ADCY3: variants seen among roughly 807,000 people sequenced by gnomAD.
The protein encoded by ADCY3 is adenylate cyclase 3, also known as adenylate cyclase type 3.
Under a neutral mutation model 119.4 loss-of-function variants are expected in ADCY3, and 70 were observed. That is an observed-to-expected ratio of 0.59 (90% CI 0.48 to 0.72). ADCY3 has a LOEUF of 0.72. ADCY3 is among the 30% of genes least tolerant of loss of function. ADCY3 has a pLI of 0.00. For missense variants in ADCY3, 1,238 were observed against 1,541.6 expected (o/e 0.80, Z 3.30); for synonymous variants, 672 against 621.4 (o/e 1.08, Z -1.21).
At chr2:24,850,933 A>C (rs1672215942) in intron 3 of ADCY3, among the ~76,000 whole-genome samples, 1 of 152,278 alleles carries the variant, frequency 6.6e-6, no homozygotes, top group South Asian at 2.1e-4. Context: ...AAATAAAGGC[A>C]GAAGGCTATA....
rs1375081545 is a variant in ADCY3 at position 24,834,988 on chromosome 2, G to T, written c.1663-52C>A. On this transcript the variant is annotated intron_variant, in intron 9 of 21. Transcript: ENST00000679454. This position sits in a 1 kb window ranked among gnomAD's most constrained non-coding sequence, Gnocchi z 4.2. ...GGGGCAGATGGGACAGAGTGGTGGGGAAGAGCTGGGAAAGACAGAGGTGGA... is the reference window on the plus strand; with the variant it reads ...GGGGCAGATGGGACAGAGTGGTGGGTAAGAGCTGGGAAAGACAGAGGTGGA... 1 of 1,584,056 alleles carries T rather than the reference G, an allele frequency of 6.3e-7. No homozygotes were observed.
Position 24,872,685 on chromosome 2 carries a change from A to G in ADCY3, c.710T>C (p.Ile237Thr). The part of the protein sequence containing the change: ...LANVFLYLCA[I>T]AVGIMSYYMA... ...GTAGTAGGACATGATGCCCACAGCG[A>G]TGGCGCACAGGTAGAGGAAGACGTT... is the stretch of plus-strand genomic sequence containing the variant. The change falls in exon 3 of 22, where the codon ATC (isoleucine) becomes ACC (threonine). Residue 237 changes from isoleucine to threonine, a missense_variant. By Grantham distance (89) the Ile-to-Thr change is moderately conservative (BLOSUM62 -1). Around this residue, in one of 7 missense-constraint regions of ADCY3, gnomAD observed 283 missense variants for 437.2 expected, o/e 0.65. Coordinates refer to ENST00000679454, the MANE Select transcript of ADCY3 (RefSeq NM_004036.5). This position sits in a 1 kb window ranked among gnomAD's most constrained non-coding sequence, Gnocchi z 4.4. 1 of 1,614,180 alleles carries G rather than the reference A, an allele frequency of 6.2e-7. No individual in the cohort carries two copies. The highest frequency in any genetic ancestry group is 8.5e-7 in the Non-Finnish European group (1 of 1,180,016).
At position 24,848,142 on chromosome 2, in the gene ADCY3, TG is replaced by T. The variant is rs1486910548; in HGVS notation, c.826-5759del. Among the ~76,000 whole-genome samples, 5 of 152,352 alleles carry T rather than the reference TG, an allele frequency of 3.3e-5. No homozygotes were observed. In the East Asian group the frequency reaches 9.6e-4, roughly 29 times the overall value. Reference sequence around the variant, plus strand: ...ACAAAATCTCTGCAGCACTGTGACATGTTCATGATGGCCATAACGCCCATGC... The same window carrying T: ...ACAAAATCTCTGCAGCACTGTGACATTTCATGATGGCCATAACGCCCATGC... On this transcript the variant is annotated intron_variant, in intron 3 of 21. Coordinates refer to ENST00000679454, the MANE Select transcript of ADCY3 (RefSeq NM_004036.5).
At position 24,841,712 on chromosome 2, in the gene ADCY3, G is replaced by A. The variant is rs2148579223; in HGVS notation, c.957-45C>T. On this transcript the variant is annotated intron_variant, in intron 4 of 21. Coordinates refer to ENST00000679454, the MANE Select transcript of ADCY3 (RefSeq NM_004036.5). The surrounding 1 kb of genome is among the most constrained non-coding windows in gnomAD (Gnocchi z 5.8). Reference sequence around the variant, plus strand: ...TGGGGGTGACGCTCCAGGCAGCCAGGTGTACCCGACCCCACTGCCAGCTCC... The same window carrying A: ...TGGGGGTGACGCTCCAGGCAGCCAGATGTACCCGACCCCACTGCCAGCTCC... The A allele has an allele frequency of 6.7e-7, 1 of 1,503,670 alleles. No homozygotes were observed. The highest frequency in any genetic ancestry group is 1.1e-5 in the South Asian group (1 of 87,350). The allele number at this position is 1,503,670 out of a possible 1,614,324, so 93.1% of individuals were successfully genotyped here. A position where few individuals can be genotyped will look rare whatever the true frequency, so the allele number is the denominator to read the frequency against.
intron 3 of ADCY3, among the ~76,000 whole-genome samples, chr2:24,864,268 G>A (rs866937627): frequency 6.0e-4 from 91 of 152,178 alleles, no homozygotes; most frequent in African/African-American, 2.0e-3. Flanking sequence ...CAACCTGGGC[G>A]ACAGAGCAAG....
chr2:24,833,410 C>T lies in ADCY3; in HGVS notation c.1967+1075G>A, dbSNP rs78028475. Among the ~76,000 whole-genome samples, 729 of 152,298 alleles carry T rather than the reference C, an allele frequency of 4.8e-3. 5 individuals carry two copies. The highest frequency in any genetic ancestry group is 0.01 in the Middle Eastern group (3 of 294). On this transcript the variant is annotated intron_variant, in intron 11 of 21. Transcript: ENST00000679454. ...CAGATAGGAGAAGGCTCGCCCCTCACCCGCTTCCAGGCGTTACTGAAATAT... is the reference window on the plus strand; with the variant it reads ...CAGATAGGAGAAGGCTCGCCCCTCATCCGCTTCCAGGCGTTACTGAAATAT...
Position 24,851,951 on chromosome 2 carries a change from G to A in ADCY3, c.826-9567C>T, listed in dbSNP as rs192298682. Among the ~76,000 whole-genome samples the A allele has an allele frequency of 1.6e-4, 25 of 152,278 alleles. No homozygotes were observed. In the East Asian group the frequency reaches 4.4e-3, roughly 27 times the overall value. On this transcript the variant is annotated intron_variant, in intron 3 of 21. Coordinates refer to ENST00000679454, the MANE Select transcript of ADCY3 (RefSeq NM_004036.5). ...GTCAGAGAGATGGATTGGAGACTGA[G>A]TCCCCATATCCTCTACCGCAGCACC...
rs1164982733 is a variant in ADCY3 at position 24,828,142 on chromosome 2, T to A, written c.2192A>T (p.Tyr731Phe). The A allele has an allele frequency of 1.2e-6, 2 of 1,613,788 alleles. No homozygotes were observed. The highest frequency in any genetic ancestry group is 2.2e-5 in the East Asian group (1 of 44,882). ...VVDMLSCLQYYTGPSNATAGM... is the reference protein window; with the variant it reads ...VVDMLSCLQYFTGPSNATAGM... ...TGCCGTTGCATTGCTGGGTCCCGTGTAGTACTGGAGACAGCTGAGCTGGAG... is the reference window on the plus strand; with the variant it reads ...TGCCGTTGCATTGCTGGGTCCCGTGAAGTACTGGAGACAGCTGAGCTGGAG... Residue 731 changes from tyrosine to phenylalanine, a missense_variant, in exon 14 of 22, where the codon TAC (tyrosine) becomes TTC (phenylalanine). By Grantham distance (22) the Tyr-to-Phe change is conservative. This residue lies in a region of ADCY3 where 499 missense variants were observed against 571.0 expected (regional missense o/e 0.87). Coordinates refer to ENST00000679454, the MANE Select transcript of ADCY3 (RefSeq NM_004036.5).
chr2:24,848,264 G>C (rs1370530109), intron 3 of ADCY3, among the ~76,000 whole-genome samples: 1 of 152,258 alleles, frequency 6.6e-6, no homozygotes, highest in South Asian at 2.1e-4. Flanking sequence ...ACAAACAATA[G>C]CATGAGCAAT....
At chr2:24,884,611 G>A (rs1438277778) in intron 2 of ADCY3, among the ~76,000 whole-genome samples, 9 of 151,626 alleles carry the variant, frequency 5.9e-5, no homozygotes, top group African/African-American at 2.2e-4. Context: ...GAGTATCTGG[G>A]ATTTACAGGT....
At chr2:24,830,885 G>A in intron 12 of ADCY3, 60 bp from the exon 13 acceptor site, 1 of 1,346,554 alleles carries the variant, frequency 7.4e-7, no homozygotes. Flanking sequence ...CCTGCGACGT[G>A]ACTGACAGCA....
At chr2:24,860,485 A>C (rs541955470) in intron 3 of ADCY3, among the ~76,000 whole-genome samples, 69 of 151,822 alleles carry the variant, frequency 4.5e-4, no homozygotes, top group African/African-American at 1.6e-3. Flanking sequence ...GGGCTGCACC[A>C]AGAGCTCCAA....
At chr2:24,831,458 A>G (rs1669495924) in intron 12 of ADCY3, among the ~76,000 whole-genome samples, 1 of 152,236 alleles carries the variant, frequency 6.6e-6, no homozygotes, top group Admixed American at 6.5e-5. Context: ...GGCCCACCAC[A>G]GCCTGCCACA....
chr2:24,830,637 G>A, intron 13 of ADCY3, 72 bp downstream of exon 13: 1 of 1,214,506 alleles, frequency 8.2e-7, no homozygotes, highest in Non-Finnish European at 1.2e-6. Context: ...GAAACTGCTT[G>A]TGTGACCCAA....
At chr2:24,890,086 A>G (rs1383659148) in intron 2 of ADCY3, among the ~76,000 whole-genome samples, 1 of 152,138 alleles carries the variant, frequency 6.6e-6, no homozygotes, top group African/African-American at 2.4e-5. Flanking sequence ...AATTGAGATG[A>G]TCTTATGGGT....
At position 24,838,631 on chromosome 2, in the gene ADCY3, CAGAG is replaced by C. The variant is rs746309117; in HGVS notation, c.1356-13_1356-10del. 2.5e-6 allele frequency: 4 copies of C among 1,613,430 alleles called. No homozygotes were observed. Among genetic ancestry groups the C allele is most frequent in the East Asian group, 2.2e-5 (1 of 44,884 alleles). The stretch of plus-strand genomic sequence containing the variant: ...GGGAGATGTGCACGCGCCTGGATTG[CAGAG>C]AGAGAGGCCCTGAGCGTCGGCCAGA... On this transcript the variant is annotated splice_polypyrimidine_tract_variant and intron_variant, in intron 7 of 21. Coordinates refer to ENST00000679454, the MANE Select transcript of ADCY3 (RefSeq NM_004036.5).
chr2:24,838,853 C>T (rs781403713), intron 7 of ADCY3: 4 of 1,606,166 alleles, frequency 2.5e-6, no homozygotes, highest in Non-Finnish European at 3.4e-6. Flanking sequence ...TTACTCCCAT[C>T]TCAGCCTCAG....
At chr2:24,875,137 G>A (rs1675525171) in intron 2 of ADCY3, among the ~76,000 whole-genome samples, 1 of 139,514 alleles carries the variant, frequency 7.2e-6, no homozygotes, top group Non-Finnish European at 1.5e-5. Context: ...ATCCCTACCA[G>A]GGAACTCCCT....
At position 24,919,037 on chromosome 2, in the gene ADCY3, G is replaced by A. The variant is rs546989260; in HGVS notation, c.-50C>T. The A allele has an allele frequency of 2.5e-4, 372 of 1,491,154 alleles. 4 individuals carry two copies. The South Asian group carries it at 4.5e-3, about 18-fold the overall frequency. The allele number at this position is 1,491,154 out of a possible 1,614,324, so 92.4% of individuals were successfully genotyped here. A position where few individuals can be genotyped will look rare whatever the true frequency, so the allele number is the denominator to read the frequency against. On this transcript the variant is annotated 5_prime_UTR_variant, in exon 2 of 22. Coordinates refer to ENST00000679454, the MANE Select transcript of ADCY3 (RefSeq NM_004036.5). This position sits in a 1 kb window ranked among gnomAD's most constrained non-coding sequence, Gnocchi z 5.5. ...CTAGAGAAGTGGACTGGGAACGGAGGAAGAGCTCTGGACTGGGCCTCCTCT... is the reference window on the plus strand; with the variant it reads ...CTAGAGAAGTGGACTGGGAACGGAGAAAGAGCTCTGGACTGGGCCTCCTCT...
Sources: allele counts gnomAD v4.1 joint callset (sites outside exome capture counted in the v4.1 genomes callset), GRCh38; gene constraint gnomAD v4.1.1; regional missense constraint gnomAD v4.1.1; non-coding constraint Gnocchi (gnomAD v3.1); transcripts MANE v1.5; gene names NCBI Gene and HGNC (gene_info 2026-07-23, HGNC 2026-07-21).